INTS3: variants seen among roughly 807,000 people sequenced by gnomAD.
The protein encoded by INTS3 is integrator complex subunit 3.
INTS3 carries 34 observed loss-of-function variants against 146.3 expected under a neutral mutation model. The ratio of observed to expected loss-of-function variants is 0.23; its 90% CI spans 0.18 to 0.31. The LOEUF (loss-of-function observed/expected upper bound fraction) is 0.31, where lower values mean the gene tolerates loss of function less well. Among genes scored for constraint, INTS3 ranks in the 10% least tolerant of loss-of-function variants. The pLI, the probability that INTS3 is intolerant of heterozygous loss-of-function variation, is 1.00. For synonymous variants in INTS3, 475 were observed against 494.9 expected (o/e 0.96, Z 0.53); for missense variants, 757 against 1,304.2 (o/e 0.58, Z 6.46).
In INTS3 at chr1:153,764,301, T is replaced by C. The variant is rs542455423; in HGVS notation, c.1925+80T>C. On this transcript the variant is annotated intron_variant, in intron 18 of 29. Transcript: ENST00000318967. ...AGCCTGAGTCCAAGAGACCCCTTACTGTAGACTTGAGAAAAATCTGTTCAC... is the reference window on the plus strand; with the variant it reads ...AGCCTGAGTCCAAGAGACCCCTTACCGTAGACTTGAGAAAAATCTGTTCAC... 170 of 921,588 alleles carry C rather than the reference T, an allele frequency of 1.8e-4. 2 individuals are homozygous for C. In the South Asian group the frequency reaches 2.1e-3, roughly 11 times the overall value. The allele number at this position is 921,588 out of a possible 1,614,324, so 57.1% of individuals were successfully genotyped here.
intron 7 of INTS3, 156 bp from the exon 8 acceptor site, chr1:153,752,123 A>G (rs1671980689): frequency 3.9e-6 from 3 of 779,190 alleles, no homozygotes; most frequent in Non-Finnish European, 6.5e-6. Context: ...CTGAACAGCT[A>G]GGAGCCAATC....
rs529468304 is a variant in INTS3, at chr1:153,735,324, T to C, written c.151-5327T>C. On this transcript the variant is annotated intron_variant, in intron 1 of 29. Transcript: ENST00000318967. ...AGGCTGTATGCTAGGTGCTTTCACA[T>C]ATGTCATTTTGTTTAATCCTTACAG... 4.3e-4 allele frequency among the ~76,000 whole-genome samples: 66 copies of C among 152,284 alleles called. 1 individual carries two copies. The highest frequency in any genetic ancestry group is 1.5e-3 in the African/African-American group (61 of 41,564).
intron 3 of INTS3, among the ~76,000 whole-genome samples, chr1:153,743,515 C>G (rs1034702531): frequency 6.6e-6 from 1 of 152,142 alleles, no homozygotes; most frequent in East Asian, 1.9e-4. Flanking sequence ...ATGGATTGAA[C>G]AGGTGAACAA....
In INTS3 at chr1:153,735,366, G is replaced by A. The variant is rs113856029; in HGVS notation, c.151-5285G>A. Among the ~76,000 whole-genome samples, 489 of 152,250 alleles carry A rather than the reference G, an allele frequency of 3.2e-3. 7 individuals carry two copies. Among genetic ancestry groups the A allele is most frequent in the African/African-American group, 0.011 (472 of 41,548 alleles). ...TCCTTACAGCAACCTTGTGATAGAG[G>A]CATTATCTCTGTTTTGAGGGGTTTT... On this transcript the variant is annotated intron_variant, in intron 1 of 29. Transcript: ENST00000318967.
chr1:153,741,434 C>A, intron 3 of INTS3, 66 bp downstream of exon 3: 1 of 1,154,444 alleles, frequency 8.7e-7, no homozygotes, highest in Non-Finnish European at 1.3e-6. Flanking sequence ...GTGGAACTTA[C>A]AGTTTAACTG....
chr1:153,769,859 CT>C lies in INTS3; in HGVS notation c.2389+18del. The C allele has an allele frequency of 6.4e-7, 1 of 1,557,976 alleles. No individual in the cohort carries two copies. On this transcript the variant is annotated intron_variant, in intron 23 of 29. Coordinates refer to ENST00000318967, the MANE Select transcript of INTS3 (RefSeq NM_023015.5). ...CAACATACTCAGTAAGTGATCAAAT[CT>C]TTAGGTGCCTGGGAGAGGAGAGGAG...
chr1:153,738,320 G>C (rs1425537119), intron 1 of INTS3, among the ~76,000 whole-genome samples: 1 of 151,978 alleles, frequency 6.6e-6, no homozygotes, highest in African/African-American at 2.4e-5. Context: ...GGCTGGTCTC[G>C]AGCTCCTGGG....
chr1:153,760,508 C>A, intron 12 of INTS3, 118 bp downstream of exon 12: 2 of 808,748 alleles, frequency 2.5e-6, no homozygotes, highest in South Asian at 1.5e-5. Flanking sequence ...CAGAAATGGT[C>A]ATGGGTCCTA....
At chr1:153,767,934 C>T in intron 21 of INTS3, 107 bp downstream of exon 21, 1 of 1,105,524 alleles carries the variant, frequency 9.0e-7, no homozygotes, top group Non-Finnish European at 1.2e-6. Context: ...TCCCCACTAA[C>T]CTAGGTGGGC....
intron 1 of INTS3, among the ~76,000 whole-genome samples, chr1:153,733,309 T>G (rs941254212): frequency 3.1e-5 from 4 of 128,090 alleles, no homozygotes; most frequent in Admixed American, 9.8e-5. Context: ...GCCCCCTGGG[T>G]TCAAGCGATT....
intron 1 of INTS3, among the ~76,000 whole-genome samples, chr1:153,730,026 G>T (rs531257918): frequency 6.6e-6 from 1 of 152,228 alleles, no homozygotes; most frequent in South Asian, 2.1e-4. Context: ...AACTTTATCA[G>T]CTATTAGAGG....
In INTS3 at chr1:153,760,144, T is replaced by G. The variant is rs1570870822; in HGVS notation, c.1238-167T>G. On this transcript the variant is annotated intron_variant, in intron 11 of 29. Transcript: ENST00000318967. ...CTGCTGGGGAGGTTGAGGCATGAGA[T>G]TCGCTTGAACCTGGGAGGCAGAGGC... The G allele has an allele frequency of 3.4e-5, 20 of 595,718 alleles. No homozygotes were observed. In the East Asian group the frequency reaches 5.5e-4, roughly 17 times the overall value. The allele number at this position is 595,718 out of a possible 1,614,324, so 36.9% of individuals were successfully genotyped here.
chr1:153,759,661 C>T, intron 11 of INTS3, 48 bp downstream of exon 11: 3 of 1,200,692 alleles, frequency 2.5e-6, no homozygotes, highest in Non-Finnish European at 3.7e-6. Context: ...CCCCTAAGCC[C>T]CCACTGCCTT....
rs1317966904 is a variant in INTS3, at chr1:153,760,393, AAG to A, written c.1317+4_1317+5del. The A allele has an allele frequency of 6.2e-7, 1 of 1,612,148 alleles. No individual in the cohort carries two copies. Among genetic ancestry groups the A allele is most frequent in the Non-Finnish European group, 8.5e-7 (1 of 1,178,432 alleles). On this transcript the variant is annotated splice_donor_5th_base_variant and intron_variant, in intron 12 of 29. Transcript: ENST00000318967. ...CACTCCTGGACTTCATGTGCCGCGT[AAG>A]TGTTAGAGCTCTCTTTTCTCCCCAT... is the stretch of plus-strand genomic sequence containing the variant.
intron 3 of INTS3, among the ~76,000 whole-genome samples, chr1:153,746,497 C>T (rs963499484): frequency 2.6e-5 from 4 of 152,166 alleles, no homozygotes; most frequent in South Asian, 4.1e-4. Flanking sequence ...GCCTCCCGGG[C>T]TCACACCATT....
chr1:153,770,689 C>T lies in INTS3; in HGVS notation c.2508C>T (p.His836=). The change falls in exon 25 of 30, where the codon CAC becomes CAT. Residue 836 remains histidine (H), a synonymous_variant. Coordinates refer to ENST00000318967, the MANE Select transcript of INTS3 (RefSeq NM_023015.5). ...PILQHLKYKE[H]PEALSCLLLQ... Reference sequence around the variant, plus strand: ...GCCTCTGCCCTTCCCTCACAGAGCACCCAGAGGCCCTGTCCTGCCTACTGC... The same window carrying T: ...GCCTCTGCCCTTCCCTCACAGAGCATCCAGAGGCCCTGTCCTGCCTACTGC... 1 of 1,613,622 alleles carries T rather than the reference C, an allele frequency of 6.2e-7. No homozygotes were observed. Among genetic ancestry groups the T allele is most frequent in the Non-Finnish European group, 8.5e-7 (1 of 1,179,542 alleles).
At chr1:153,733,923 C>G (rs1431609491) in intron 1 of INTS3, among the ~76,000 whole-genome samples, 2 of 152,122 alleles carry the variant, frequency 1.3e-5, no homozygotes, top group Non-Finnish European at 1.5e-5. Flanking sequence ...TTTTACCAGA[C>G]TCTATATCCA....
intron 11 of INTS3, 193 bp downstream of exon 11, chr1:153,759,806 G>A: frequency 3.4e-6 from 2 of 591,754 alleles, no homozygotes; most frequent in Non-Finnish European, 3.0e-6. Context: ...AGCCATCACT[G>A]TACCTCCTCC....
At chr1:153,734,028 C>A (rs896863027) in intron 1 of INTS3, among the ~76,000 whole-genome samples, 1 of 152,038 alleles carries the variant, frequency 6.6e-6, no homozygotes, top group Non-Finnish European at 1.5e-5. Flanking sequence ...AAGGCCTTCC[C>A]CCCCTTTCTC....
Sources: gnomAD v4.1 joint callset for allele counts (sites outside exome capture counted in the v4.1 genomes callset) on GRCh38, gnomAD v4.1.1 for gene constraint, MANE v1.5 for transcripts, NCBI Gene and HGNC (gene_info 2026-07-23, HGNC 2026-07-21) for gene names.